Variants in ADAMTS20 observed in about 807,000 individuals in gnomAD.
ADAMTS20 encodes the protein ADAM metallopeptidase with thrombospondin type 1 motif 20.
A neutral mutation model predicts 260.1 loss-of-function variants in ADAMTS20; 225 were observed. That is an observed-to-expected ratio of 0.87 (90% confidence interval 0.78 to 0.97). The LOEUF is 0.97. Ranked by LOEUF, ADAMTS20 falls within the 50% of genes least tolerant of loss-of-function variation. ADAMTS20 has a pLI of 0.00. For synonymous variants in ADAMTS20, 802 were observed against 769.5 expected, an observed-to-expected ratio of 1.04 and a Z score of -0.70; for missense variants, 2,400 against 2,337.7, an observed-to-expected ratio of 1.03 and a Z score of -0.55.
At chr12:43,505,660 G>C (rs1035627773) in intron 3 of ADAMTS20, among the ~76,000 whole-genome samples, 7 of 152,170 alleles carry the variant, frequency 4.6e-5, no homozygotes, top group African/African-American at 1.7e-4. Context: ...ATGTTGACAA[G>C]TATGTGGAGA....
At chr12:43,534,290 A>G (rs2137508359) in intron 2 of ADAMTS20, among the ~76,000 whole-genome samples, 2 of 151,642 alleles carry the variant, frequency 1.3e-5, no homozygotes, top group Admixed American at 1.3e-4. Flanking sequence ...AGAAAAAAAC[A>G]AACAACCCCA....
At chr12:43,480,920 T>A (rs1308170152) in intron 7 of ADAMTS20, among the ~76,000 whole-genome samples, 1 of 152,080 alleles carries the variant, frequency 6.6e-6, no homozygotes, top group Non-Finnish European at 1.5e-5. Context: ...GTGACTATAG[T>A]TATAATAATG....
chr12:43,397,532 G>A (rs762620892), intron 29 of ADAMTS20, among the ~76,000 whole-genome samples: 5 of 152,138 alleles, frequency 3.3e-5, no homozygotes, highest in Non-Finnish European at 5.9e-5. Flanking sequence ...ACTTGAAAGA[G>A]ATGAGAGAAC....
chr12:43,525,969 A>G (rs894759546), intron 3 of ADAMTS20, among the ~76,000 whole-genome samples: 2 of 152,186 alleles, frequency 1.3e-5, no homozygotes, highest in Non-Finnish European at 2.9e-5. Context: ...TAGACAAATC[A>G]TCAAGACAGC....
intron 29 of ADAMTS20, among the ~76,000 whole-genome samples, chr12:43,397,893 G>T (rs1940736396): frequency 6.6e-6 from 1 of 152,140 alleles, no homozygotes; most frequent in Admixed American, 6.5e-5. Flanking sequence ...AATTTGGAAG[G>T]CTTTTATTCA....
chr12:43,422,815 T>G (rs556898215), intron 28 of ADAMTS20: 3 of 152,176 alleles, frequency 2.0e-5, no homozygotes, highest in South Asian at 4.1e-4. Flanking sequence ...GGTCATTTGT[T>G]TTTGTGAGGT....
intron 37 of ADAMTS20, among the ~76,000 whole-genome samples, chr12:43,359,036 C>CCT (rs368037391): frequency 8.6e-5 from 13 of 151,196 alleles, no homozygotes; most frequent in East Asian, 1.9e-4. Context: ...CATACGAGGT[C>CCT]CTCTCTCTCT....
intron 18 of ADAMTS20, among the ~76,000 whole-genome samples, chr12:43,439,284 G>C: frequency 6.6e-6 from 1 of 152,128 alleles, no homozygotes; most frequent in East Asian, 1.9e-4. Flanking sequence ...GGAGATGAGT[G>C]GAAGAAAAGG....
chr12:43,473,483 A>G (rs1189887265), intron 7 of ADAMTS20, among the ~76,000 whole-genome samples: 1 of 35,138 alleles, frequency 2.8e-5, no homozygotes, highest in Non-Finnish European at 4.8e-5. Flanking sequence ...TGCACCAAGC[A>G]GACCTAATAG....
intron 29 of ADAMTS20, among the ~76,000 whole-genome samples, chr12:43,387,399 G>C (rs1438505646): frequency 6.6e-6 from 1 of 152,146 alleles, no homozygotes; most frequent in Non-Finnish European, 1.5e-5. Context: ...ATGCCAGCTG[G>C]AGCTCCCCTG....
chr12:43,425,785 A>T, intron 27 of ADAMTS20, 95 bp from the exon 28 acceptor site: 1 of 841,034 alleles, frequency 1.2e-6, no homozygotes, highest in East Asian at 3.1e-5. Context: ...AATTATGTTT[A>T]TTCTAGTAAT....
At chr12:43,476,953 A>C (rs1343158621) in intron 7 of ADAMTS20, among the ~76,000 whole-genome samples, 1 of 149,738 alleles carries the variant, frequency 6.7e-6, no homozygotes, top group South Asian at 2.1e-4. Flanking sequence ...TATGTAACTA[A>C]CCTGCACAAT....
At chr12:43,494,403 T>A (rs1329413925) in intron 4 of ADAMTS20, among the ~76,000 whole-genome samples, 1 of 152,210 alleles carries the variant, frequency 6.6e-6, no homozygotes, top group Non-Finnish European at 1.5e-5. Flanking sequence ...CTGCTACCAA[T>A]GTCTCTTGTG....
chr12:43,442,259 CTT>C (rs201877057), intron 16 of ADAMTS20, among the ~76,000 whole-genome samples: 28 of 139,288 alleles, frequency 2.0e-4, no homozygotes, highest in Admixed American at 2.9e-4. Flanking sequence ...GTGAACATTT[CTT>C]TTTTTTTTTT....
At chr12:43,407,321 T>C (rs995857506) in intron 28 of ADAMTS20, among the ~76,000 whole-genome samples, 1 of 151,622 alleles carries the variant, frequency 6.6e-6, no homozygotes, top group Admixed American at 6.6e-5. Context: ...TAAATTAATA[T>C]CATTGTAATA....
intron 32 of ADAMTS20, 149 bp from the exon 33 acceptor site, chr12:43,376,802 G>GACTATCCAGCCCCCA: frequency 2.3e-6 from 2 of 872,496 alleles, no homozygotes; most frequent in Non-Finnish European, 3.3e-6. Flanking sequence ...CTATGCTGGG[G>GACTATCCAGCCCCCA]GCTGGATAGT....
chr12:43,495,874 C>G (rs1486522817), intron 4 of ADAMTS20, among the ~76,000 whole-genome samples: 1 of 152,102 alleles, frequency 6.6e-6, no homozygotes, highest in Non-Finnish European at 1.5e-5. Flanking sequence ...CTAATTGTAT[C>G]TCTTATTGTT....
intron 28 of ADAMTS20, among the ~76,000 whole-genome samples, chr12:43,408,909 GATA>G (rs1158883533): frequency 1.3e-5 from 2 of 151,970 alleles, no homozygotes; most frequent in Non-Finnish European, 2.9e-5. Flanking sequence ...CAGAAGCTAT[GATA>G]ATAATAACAC....
At position 43,551,142 on chromosome 12, in the gene ADAMTS20, T is replaced by A. The variant is rs374203301; in HGVS notation, c.220A>T (p.Met74Leu). The change falls in exon 2 of 39, where the codon ATG (methionine) becomes TTG (leucine). Residue 74 changes from methionine to leucine, a missense_variant. Physicochemically the swap from Met to Leu is conservative, Grantham distance 15. Transcript: ENST00000389420. This position sits in a 1 kb window ranked among gnomAD's most constrained non-coding sequence, Gnocchi z 4.6. The part of the protein sequence containing the change: ...QKRSSEALEP[M>L]PFRTHYRFTA... ...AAGCGATAGTGGGTTCGGAACGGCA[T>A]GGGTTCCAGCGCCTCGGAGCTGCGT... 294 of 1,613,906 alleles carry A rather than the reference T, an allele frequency of 1.8e-4. No homozygotes were observed. The African/African-American group carries it at 1.8e-3, about 10-fold the overall frequency.
Sources: gnomAD v4.1 joint callset for allele counts (sites outside exome capture counted in the v4.1 genomes callset) on GRCh38, gnomAD v4.1.1 for gene constraint, Gnocchi (gnomAD v3.1) non-coding constraint, MANE v1.5 for transcripts, NCBI Gene and HGNC (gene_info 2026-07-23, HGNC 2026-07-21) for gene names.